Variants in SYT12 observed in about 807,000 individuals in gnomAD.
SYT12 encodes the protein synaptotagmin 12.
In SYT12, 27 loss-of-function variants were observed where a neutral mutation model predicts 39.5. The observed-to-expected ratio is 0.68, with a 90% confidence interval of 0.50 to 0.94. The LOEUF is 0.94. SYT12 is among the 40% of genes least tolerant of loss of function. SYT12 has a pLI of 0.00. For synonymous variants in SYT12, 233 were observed against 239.7 expected, an observed-to-expected ratio of 0.97 and a Z score of 0.26; for missense variants, 536 against 572.6, an observed-to-expected ratio of 0.94 and a Z score of 0.65.
In SYT12 at chr11:67,049,647, TGGCAGGGGTGG is replaced by T. The variant is rs1854688912; in HGVS notation, c.*896_*906del. The T allele has an allele frequency of 6.6e-6, 1 of 151,666 alleles. No homozygotes were observed. Among genetic ancestry groups the T allele is most frequent in the Admixed American group, 6.6e-5 (1 of 15,220 alleles). The allele number at this position is 151,666 out of a possible 1,614,324, so 9.4% of individuals were successfully genotyped here. On this transcript the variant is annotated 3_prime_UTR_variant, in exon 8 of 8. Coordinates refer to ENST00000527043, the MANE Select transcript of SYT12 (RefSeq NM_177963.4). ...CCTCAGGCAGGTCTCAGCCTGGGGG[TGGCAGGGGTGG>T]GGCAGAGAGAATACTGACAGCAGAG...
upstream of SYT12, among the ~76,000 whole-genome samples, chr11:67,020,744 T>G (rs933409436): frequency 5.9e-5 from 9 of 151,794 alleles, no homozygotes; most frequent in African/African-American, 2.2e-4. Flanking sequence ...CACCCACCAT[T>G]TTTTTTTAGA....
chr11:67,014,202 T>C (rs1833795508), intron 3 of SYT12, among the ~76,000 whole-genome samples: 1 of 152,214 alleles, frequency 6.6e-6, no homozygotes. Flanking sequence ...TGCTAGGTGT[T>C]AGGACTCAGA....
intron 4 of SYT12, among the ~76,000 whole-genome samples, chr11:67,041,543 G>T (rs537230642): frequency 6.6e-6 from 1 of 152,330 alleles, no homozygotes; most frequent in East Asian, 1.9e-4. Flanking sequence ...CGGATGGGGT[G>T]TGGGGCAGCC....
intron 2 of SYT12, chr11:67,010,186 G>T (rs1025545957): frequency 6.6e-6 from 1 of 152,212 alleles, no homozygotes; most frequent in Non-Finnish European, 1.5e-5. Context: ...GTAGAGAAAA[G>T]GTTTTGTCCC....
Position 67,037,741 on chromosome 11 carries a change from G to A in SYT12, c.229-2070G>A, listed in dbSNP as rs575163838. ...ACTAAAAATACAAAAAATTAGCTGG[G>A]TGTGATGGTGCATGCCTGTAATCCC... On this transcript the variant is annotated intron_variant, in intron 3 of 7. Coordinates refer to ENST00000527043, the MANE Select transcript of SYT12 (RefSeq NM_177963.4). 1.3e-4 allele frequency among the ~76,000 whole-genome samples: 20 copies of A among 151,900 alleles called. No individual in the cohort carries two copies. The South Asian group carries it at 4.0e-3, about 30-fold the overall frequency.
chr11:67,031,625 C>T (rs915300456), intron 2 of SYT12: 1 of 152,226 alleles, frequency 6.6e-6, no homozygotes, highest in Non-Finnish European at 1.5e-5. Flanking sequence ...GACCCCACTT[C>T]CAATATCACC....
At chr11:67,022,351 G>A (rs1355631823), upstream of SYT12, among the ~76,000 whole-genome samples, 2 of 151,736 alleles carry the variant, frequency 1.3e-5, no homozygotes, top group Admixed American at 6.6e-5. Context: ...ACCCCAGACC[G>A]TTGGAGAGGT....
At chr11:67,019,662 C>T (rs947586866), upstream of SYT12, among the ~76,000 whole-genome samples, 9 of 151,932 alleles carry the variant, frequency 5.9e-5, no homozygotes, top group African/African-American at 1.9e-4. Flanking sequence ...TTTGGGAGGC[C>T]GAGGAGGGGG....
At chr11:67,008,535 T>C (rs574359787) in intron 1 of SYT12, among the ~76,000 whole-genome samples, 1 of 151,998 alleles carries the variant, frequency 6.6e-6, no homozygotes, top group East Asian at 1.9e-4. Context: ...ACTACAGGTG[T>C]GAGATGGCTA....
chr11:67,037,957 A>AG, intron 3 of SYT12, among the ~76,000 whole-genome samples: 1 of 146,662 alleles, frequency 6.8e-6, no homozygotes, highest in East Asian at 2.0e-4. Context: ...TGGGAGAGTG[A>AG]GGGGGGAGGA....
At chr11:67,009,256 T>C (rs1412407018) in intron 1 of SYT12, among the ~76,000 whole-genome samples, 2 of 152,124 alleles carry the variant, frequency 1.3e-5, no homozygotes, top group African/African-American at 2.4e-5. Context: ...TCCCCATGCC[T>C]TGGCCTCCTG....
At chr11:67,039,724 A>G in intron 3 of SYT12, 87 bp from the exon 4 acceptor site, 1 of 1,460,598 alleles carries the variant, frequency 6.8e-7, no homozygotes, top group Non-Finnish European at 9.1e-7. Context: ...TCGAGAATGA[A>G]CAGGCCTTAC....
At chr11:67,015,338 A>G (rs1950049190) in intron 3 of SYT12, among the ~76,000 whole-genome samples, 1 of 152,232 alleles carries the variant, frequency 6.6e-6, no homozygotes, top group African/African-American at 2.4e-5. Flanking sequence ...GCCTGGCCCC[A>G]TGAGTGCTGG....
rs981323370 is a variant in SYT12, at chr11:67,035,509, G to A, written c.228+671G>A. Among the ~76,000 whole-genome samples, 5 of 142,394 alleles carry A rather than the reference G, an allele frequency of 3.5e-5. No individual in the cohort carries two copies. In the East Asian group the frequency reaches 1.0e-3, roughly 30 times the overall value. 93.4% of individuals were successfully genotyped at this position (142,394 alleles called of 152,430 possible). A position where few individuals can be genotyped will look rare whatever the true frequency, so the allele number is the denominator to read the frequency against. On this transcript the variant is annotated intron_variant, in intron 3 of 7. Coordinates refer to ENST00000527043, the MANE Select transcript of SYT12 (RefSeq NM_177963.4). The stretch of plus-strand genomic sequence containing the variant: ...GTCTCGCTCTGTTGCCCAGGCTGGA[G>A]TGCAGTGGGGCAATCTCGGCTCACT...
chr11:67,048,552 G>T (rs576316576), intron 7 of SYT12, 32 bp from the exon 8 acceptor site: 11 of 1,582,486 alleles, frequency 7.0e-6, no homozygotes, highest in Non-Finnish European at 9.5e-6. Flanking sequence ...GACTGCCCCT[G>T]GTCCTCAGCA....
intron 1 of SYT12, among the ~76,000 whole-genome samples, chr11:67,026,138 G>A (rs186598788): frequency 9.5e-4 from 145 of 152,260 alleles, no homozygotes; most frequent in African/African-American, 3.2e-3. Context: ...TGCTTCCAGG[G>A]CTCAACAGGT....
chr11:67,016,609 C>A (rs2136195959), intron 3 of SYT12, among the ~76,000 whole-genome samples: 1 of 152,290 alleles, frequency 6.6e-6, no homozygotes, highest in Non-Finnish European at 1.5e-5. Context: ...AAAAGCTTTC[C>A]AAGGTGGTCT....
chr11:67,025,411 G>A (rs1406885093), intron 1 of SYT12, among the ~76,000 whole-genome samples: 2 of 152,134 alleles, frequency 1.3e-5, no homozygotes, highest in Non-Finnish European at 2.9e-5. Flanking sequence ...GATGGGGAGG[G>A]GTGCTGCAGA....
chr11:67,013,404 G>A (rs551526000), intron 3 of SYT12, among the ~76,000 whole-genome samples: 1 of 152,286 alleles, frequency 6.6e-6, no homozygotes, highest in East Asian at 1.9e-4. Context: ...TGGCAGGGTT[G>A]CACCTTCTCC....
Sources: allele counts gnomAD v4.1 joint callset (sites outside exome capture counted in the v4.1 genomes callset), GRCh38; gene constraint gnomAD v4.1.1; transcripts MANE v1.5; gene names NCBI Gene and HGNC (gene_info 2026-07-23, HGNC 2026-07-21).